HDAC9: variants seen among roughly 807,000 people sequenced by gnomAD.
HDAC9 encodes the protein MEF-2 interacting transcription repressor (MITR) protein.
In HDAC9, 41 loss-of-function variants were observed where a neutral mutation model predicts 139.4. The observed-to-expected ratio is 0.29, with a 90% CI of 0.23 to 0.38. The LOEUF (loss-of-function observed/expected upper bound fraction) is 0.38, where lower values mean the gene tolerates loss of function less well. Ranked by LOEUF, HDAC9 falls within the 10% of genes least tolerant of loss-of-function variation. HDAC9 has a pLI of 1.00. For synonymous variants in HDAC9, 517 were observed against 476.2 expected, an observed-to-expected ratio of 1.09 and a Z score of -1.12; for missense variants, 1,147 against 1,297.0, an observed-to-expected ratio of 0.88 and a Z score of 1.78.
At chr7:18,321,431 C>T (rs1800024197) in intron 1 of HDAC9, among the ~76,000 whole-genome samples, 1 of 152,178 alleles carries the variant, frequency 6.6e-6, no homozygotes, top group Non-Finnish European at 1.5e-5. Flanking sequence ...TGGTCATAAA[C>T]TCAATAACAG....
At chr7:18,093,043 T>C (rs1468466107) in intron 1 of HDAC9, among the ~76,000 whole-genome samples, 2 of 152,132 alleles carry the variant, frequency 1.3e-5, no homozygotes, top group East Asian at 1.9e-4. Flanking sequence ...CTAAGGACCA[T>C]TGTACTATAT....
intron 1 of HDAC9, among the ~76,000 whole-genome samples, chr7:18,117,379 G>A (rs916142347): frequency 1.3e-5 from 2 of 151,952 alleles, no homozygotes; most frequent in Non-Finnish European, 2.9e-5. Flanking sequence ...CCAGCTACTC[G>A]GGAGGCTGAG....
intron 12 of HDAC9, among the ~76,000 whole-genome samples, chr7:18,680,566 C>A (rs186861713): frequency 1.3e-5 from 2 of 151,982 alleles, no homozygotes; most frequent in East Asian, 3.9e-4. Context: ...AGTTCAGGCC[C>A]AGGGAGGTTA....
chr7:18,747,159 A>G lies in HDAC9; in HGVS notation c.1910-1846A>G, dbSNP rs114023071. Among the ~76,000 whole-genome samples, 781 of 152,306 alleles carry G rather than the reference A, an allele frequency of 5.1e-3. 5 individuals carry two copies. Among genetic ancestry groups the G allele is most frequent in the African/African-American group, 0.018 (751 of 41,574 alleles). ...AATAGAGAACAAAAGAGGGAGATAT[A>G]TGAATTGAAGCTGGAAAGATGGGGA... is the stretch of plus-strand genomic sequence containing the variant. On this transcript the variant is annotated intron_variant, in intron 13 of 25. Transcript: ENST00000686413.
At chr7:18,917,655 A>C (rs1803325352) in intron 22 of HDAC9, among the ~76,000 whole-genome samples, 1 of 152,016 alleles carries the variant, frequency 6.6e-6, no homozygotes, top group Non-Finnish European at 1.5e-5. Flanking sequence ...TGCTGCTTTT[A>C]CTGTGTCCTT....
chr7:18,373,812 A>C (rs919732429), intron 1 of HDAC9, among the ~76,000 whole-genome samples: 4 of 152,238 alleles, frequency 2.6e-5, no homozygotes, highest in African/African-American at 7.2e-5. Flanking sequence ...TTTTTCTGGC[A>C]TTTAAGTCAT....
intron 2 of HDAC9, among the ~76,000 whole-genome samples, chr7:18,533,448 C>G (rs141159212): frequency 6.6e-6 from 1 of 152,102 alleles, no homozygotes; most frequent in Non-Finnish European, 1.5e-5. Context: ...TTTTACATAC[C>G]TGAAAATGTC....
At chr7:18,133,021 G>A (rs1316676837) in intron 1 of HDAC9, among the ~76,000 whole-genome samples, 1 of 152,128 alleles carries the variant, frequency 6.6e-6, no homozygotes, top group Non-Finnish European at 1.5e-5. Context: ...GGTCTTTAAT[G>A]TAGCTGAAAC....
At chr7:18,682,437 A>C (rs1472449696) in intron 12 of HDAC9, among the ~76,000 whole-genome samples, 1 of 152,030 alleles carries the variant, frequency 6.6e-6, no homozygotes, top group Non-Finnish European at 1.5e-5. Context: ...GGGTACACAC[A>C]TGCCTACACA....
chr7:18,398,480 T>C (rs1480826264), intron 1 of HDAC9, among the ~76,000 whole-genome samples: 1 of 152,184 alleles, frequency 6.6e-6, no homozygotes, highest in African/African-American at 2.4e-5. Flanking sequence ...TGTTTTGTTT[T>C]TGTTTCTTTT....
At chr7:18,765,038 C>A (rs879894673) in intron 15 of HDAC9, among the ~76,000 whole-genome samples, 1 of 152,160 alleles carries the variant, frequency 6.6e-6, no homozygotes, top group Non-Finnish European at 1.5e-5. Context: ...CTTTCCTTAG[C>A]ATTAATATTC....
intron 1 of HDAC9, among the ~76,000 whole-genome samples, chr7:18,422,304 G>A (rs773258576): frequency 2.0e-5 from 3 of 152,106 alleles, no homozygotes; most frequent in East Asian, 1.9e-4. Context: ...AAGGAAACAC[G>A]GTCTAGTTAT....
intron 2 of HDAC9, among the ~76,000 whole-genome samples, chr7:18,281,174 C>T (rs1797081526): frequency 6.6e-6 from 1 of 152,122 alleles, no homozygotes; most frequent in Non-Finnish European, 1.5e-5. Context: ...TGGAACAAAG[C>T]TTAGTTTGTG....
At chr7:18,505,899 T>C (rs1043726699) in intron 2 of HDAC9, 1 of 152,240 alleles carries the variant, frequency 6.6e-6, no homozygotes, top group Non-Finnish European at 1.5e-5. Context: ...TGCCTCTCTT[T>C]AGCAGCCTGA....
chr7:18,105,588 A>G (rs1321594923), intron 1 of HDAC9, among the ~76,000 whole-genome samples: 1 of 145,412 alleles, frequency 6.9e-6, no homozygotes, highest in Non-Finnish European at 1.5e-5. Context: ...CTAGATGTGG[A>G]TTTCATCTAC....
At chr7:18,673,857 T>C (rs1170366874) in intron 12 of HDAC9, among the ~76,000 whole-genome samples, 1 of 152,016 alleles carries the variant, frequency 6.6e-6, no homozygotes, top group Non-Finnish European at 1.5e-5. Flanking sequence ...CTGAATGGTT[T>C]AAGGGTTTAA....
chr7:18,573,971 T>C (rs1825164502), intron 2 of HDAC9, among the ~76,000 whole-genome samples: 1 of 152,210 alleles, frequency 6.6e-6, no homozygotes, highest in Non-Finnish European at 1.5e-5. Flanking sequence ...TGTTAACAGC[T>C]CTTTTAGTCC....
chr7:18,735,638 CCTTATAGTATA>C (rs1465854768), intron 13 of HDAC9, among the ~76,000 whole-genome samples: 1 of 152,038 alleles, frequency 6.6e-6, no homozygotes, highest in Non-Finnish European at 1.5e-5. Flanking sequence ...GTTACTGTTG[CCTTATAGTATA>C]CTTTGAAGTC....
intron 19 of HDAC9, among the ~76,000 whole-genome samples, chr7:18,833,042 A>T (rs1795974783): frequency 6.6e-6 from 1 of 152,148 alleles, no homozygotes; most frequent in Non-Finnish European, 1.5e-5. Flanking sequence ...AGCCTTAAAA[A>T]AAATGATATT....
Sources: gnomAD v4.1 joint callset for allele counts (sites outside exome capture counted in the v4.1 genomes callset) on GRCh38, gnomAD v4.1.1 for gene constraint, MANE v1.5 for transcripts, NCBI Gene and HGNC (gene_info 2026-07-23, HGNC 2026-07-21) for gene names.